DOCK4: variants seen among roughly 807,000 people sequenced by gnomAD.
The protein encoded by DOCK4 is dedicator of cytokinesis protein 4.
In DOCK4, 97 loss-of-function variants were observed where a neutral mutation model predicts 268.1. The ratio of observed to expected loss-of-function variants is 0.36; its 90% CI spans 0.31 to 0.43. The LOEUF (loss-of-function observed/expected upper bound fraction) is 0.43, where lower values mean the gene tolerates loss of function less well. Ranked by LOEUF, DOCK4 falls within the 20% of genes least tolerant of loss-of-function variation. The pLI is 1.00. For synonymous variants in DOCK4, 954 were observed against 887.2 expected (o/e 1.08, Z -1.34); for missense variants, 2,145 against 2,455.7 (o/e 0.87, Z 2.67).
chr7:112,010,560 A>G (rs1339668865), intron 1 of DOCK4, among the ~76,000 whole-genome samples: 3 of 152,210 alleles, frequency 2.0e-5, no homozygotes, highest in Non-Finnish European at 4.4e-5. Context: ...GGAAGAATAG[A>G]GAAATGCTGT....
In DOCK4 at chr7:112,164,709, G is replaced by C. The variant is rs114063291; in HGVS notation, c.37+41393C>G. Among the ~76,000 whole-genome samples the C allele has an allele frequency of 6.9e-3, 1,046 of 152,304 alleles. 9 individuals are homozygous for C. The highest frequency in any genetic ancestry group is 0.023 in the African/African-American group (973 of 41,568). ...CCTTTCTGGGGCATTAAGTATGCCA[G>C]ACATCATGCTAAATGCATTGCATGC... is the stretch of plus-strand genomic sequence containing the variant. On this transcript the variant is annotated intron_variant, in intron 1 of 52. Transcript: ENST00000428084.
intron 35 of DOCK4, 58 bp from the exon 36 acceptor site, chr7:111,778,427 T>C (rs1798587719): frequency 6.4e-6 from 7 of 1,089,444 alleles, no homozygotes; most frequent in Non-Finnish European, 8.2e-6. Flanking sequence ...TACAATTATC[T>C]GCCTTTTACT....
At chr7:111,992,579 A>G (rs1799625041) in intron 5 of DOCK4, among the ~76,000 whole-genome samples, 1 of 152,234 alleles carries the variant, frequency 6.6e-6, no homozygotes, top group Non-Finnish European at 1.5e-5. Context: ...TTACTTATAG[A>G]GTTTACAACA....
chr7:111,929,854 A>G lies in DOCK4; in HGVS notation c.1066+5686T>C, dbSNP rs975219560. On this transcript the variant is annotated intron_variant, in intron 12 of 52. Coordinates refer to ENST00000428084, the MANE Select transcript of DOCK4 (RefSeq NM_001363540.2). ...TAGGTGTAAGCTACATGTGCAAACCATAGAAAATATTTCATAAATACACAG... is the reference window on the plus strand; with the variant it reads ...TAGGTGTAAGCTACATGTGCAAACCGTAGAAAATATTTCATAAATACACAG... Among the ~76,000 whole-genome samples, 5 of 152,242 alleles carry G rather than the reference A, an allele frequency of 3.3e-5. No homozygotes were observed. In the South Asian group the frequency reaches 6.2e-4, roughly 19 times the overall value.
intron 41 of DOCK4, among the ~76,000 whole-genome samples, chr7:111,756,764 A>C (rs1797050588): frequency 6.6e-6 from 1 of 152,138 alleles, no homozygotes; most frequent in Non-Finnish European, 1.5e-5. Context: ...CAACAAAAAA[A>C]AAAATGGAAG....
At chr7:111,750,705 C>T (rs1040818714) in intron 42 of DOCK4, among the ~76,000 whole-genome samples, 1 of 152,120 alleles carries the variant, frequency 6.6e-6, no homozygotes, top group South Asian at 2.1e-4. Context: ...AGTCCTGCAT[C>T]GAACTTGACA....
At position 112,073,012 on chromosome 7, in the gene DOCK4, C is replaced by T. The variant is rs148084442; in HGVS notation, c.38-68881G>A. ...AGAATCAGGGGAGAAGGGATCACAACACCCCCAGAAGCATGGGAACATCTA... is the reference window on the plus strand; with the variant it reads ...AGAATCAGGGGAGAAGGGATCACAATACCCCCAGAAGCATGGGAACATCTA... On this transcript the variant is annotated intron_variant, in intron 1 of 52. Coordinates refer to ENST00000428084, the MANE Select transcript of DOCK4 (RefSeq NM_001363540.2). Among the ~76,000 whole-genome samples, 189 of 152,274 alleles carry T rather than the reference C, an allele frequency of 1.2e-3. 1 individual carries two copies. Among genetic ancestry groups the T allele is most frequent in the African/African-American group, 4.0e-3 (168 of 41,570 alleles).
chr7:111,989,071 G>A lies in DOCK4; in HGVS notation c.408C>T (p.His136=), dbSNP rs752764268. 1.9e-5 allele frequency: 31 copies of A among 1,613,840 alleles called. No homozygotes were observed. The highest frequency in any genetic ancestry group is 1.0e-4 in the Admixed American group (6 of 60,000). ...GGCGCTTCACGTCCTTCATCCGGTC[G>A]TGGGTGAGGTGGCCCACCAGCACCT... ...RRQVLVGHLT[H]DRMKDVKRHI... Residue 136 remains histidine (H), a synonymous_variant, in exon 6 of 53, where the codon CAC becomes CAT. Transcript: ENST00000428084.
chr7:111,924,717 A>G (rs1263934175), intron 12 of DOCK4, among the ~76,000 whole-genome samples: 1 of 152,204 alleles, frequency 6.6e-6, no homozygotes, highest in Admixed American at 6.5e-5. Context: ...CCAGTTCAAG[A>G]CCAACCTGGC....
chr7:111,880,974 A>G (rs1807331761), intron 16 of DOCK4, among the ~76,000 whole-genome samples: 1 of 152,222 alleles, frequency 6.6e-6, no homozygotes, highest in Admixed American at 6.5e-5. Context: ...CTATGAAACT[A>G]CTGTAAGAAA....
At chr7:111,870,997 C>CT (rs1806380098) in intron 20 of DOCK4, among the ~76,000 whole-genome samples, 1 of 152,324 alleles carries the variant, frequency 6.6e-6, no homozygotes, top group Non-Finnish European at 1.5e-5. Context: ...AGTGTCAAGT[C>CT]TAACAAAAAT....
intron 13 of DOCK4, among the ~76,000 whole-genome samples, chr7:111,904,972 G>A (rs1791439952): frequency 6.6e-6 from 1 of 152,050 alleles, no homozygotes; most frequent in East Asian, 1.9e-4. Flanking sequence ...ATTATCTTTT[G>A]CAAATCTTTT....
intron 1 of DOCK4, among the ~76,000 whole-genome samples, chr7:112,084,828 G>C (rs995331557): frequency 2.6e-5 from 4 of 151,996 alleles, no homozygotes; most frequent in Non-Finnish European, 4.4e-5. Flanking sequence ...CCGTGTGACC[G>C]GCTTTCTGCT....
At chr7:112,139,944 G>A (rs950424292) in intron 1 of DOCK4, among the ~76,000 whole-genome samples, 16 of 152,064 alleles carry the variant, frequency 1.1e-4, no homozygotes, top group Non-Finnish European at 2.1e-4. Context: ...TTGCCAAGGT[G>A]CAGTTTAAAA....
chr7:111,825,610 A>C (rs1480048707), intron 26 of DOCK4, among the ~76,000 whole-genome samples: 2 of 152,214 alleles, frequency 1.3e-5, no homozygotes, highest in African/African-American at 2.4e-5. Flanking sequence ...GCTACCATTT[A>C]AAACCTGGCA....
At chr7:111,896,486 GGTTTTTTT>G (rs1408627373) in intron 15 of DOCK4, among the ~76,000 whole-genome samples, 9 of 134,006 alleles carry the variant, frequency 6.7e-5, no homozygotes, top group African/African-American at 2.5e-4. Context: ...TTTCCACCAA[GGTTTTTTT>G]TTTTTTTTTT....
Position 111,755,598 on chromosome 7 carries a change from G to T in DOCK4, c.4333C>A (p.Leu1445Ile). 6.2e-7 allele frequency: 1 copy of T among 1,613,810 alleles called. No homozygotes were observed. The stretch of plus-strand genomic sequence containing the variant: ...TATAATGACGTTCTCTCCACCCAGA[G>T]ACTCTACAAAACACAAAACACATTA... ...TKDKENEFKS[L>I]WVERTSLYLV... The change falls in exon 42 of 53, where the codon CTC (leucine) becomes ATC (isoleucine). Residue 1445 changes from leucine (L) to isoleucine (I), a missense_variant. By Grantham distance (5) the Leu-to-Ile change is conservative. Coordinates refer to ENST00000428084, the MANE Select transcript of DOCK4 (RefSeq NM_001363540.2).
intron 34 of DOCK4, 68 bp from the exon 35 acceptor site, chr7:111,782,992 T>A (rs887699431): frequency 7.3e-7 from 1 of 1,369,670 alleles, no homozygotes; most frequent in East Asian, 2.3e-5. Context: ...TTTGTTCTTT[T>A]TGGGGGAAAA....
In DOCK4 at chr7:111,728,727, C is replaced by G. The variant is rs1794847367; in HGVS notation, c.5482-7G>C. On this transcript the variant is annotated splice_region_variant and splice_polypyrimidine_tract_variant and intron_variant, in intron 52 of 52. Coordinates refer to ENST00000428084, the MANE Select transcript of DOCK4 (RefSeq NM_001363540.2). ...TGAAAGACTGCACAGAGCCCTGCTC[C>G]GGGGAGAAGGAAACGAGAGGGAGAC... 1.9e-6 allele frequency: 3 copies of G among 1,599,202 alleles called. No individual in the cohort carries two copies. Among genetic ancestry groups the G allele is most frequent in the Non-Finnish European group, 2.6e-6 (3 of 1,171,764 alleles).
Sources: allele counts gnomAD v4.1 joint callset (sites outside exome capture counted in the v4.1 genomes callset), GRCh38; gene constraint gnomAD v4.1.1; transcripts MANE v1.5; gene names NCBI Gene and HGNC (gene_info 2026-07-23, HGNC 2026-07-21).